PPP2CA: variants seen among roughly 807,000 people sequenced by gnomAD.
PPP2CA encodes the protein protein phosphatase 2 catalytic subunit alpha.
PPP2CA carries 5 observed loss-of-function variants against 38.8 expected under a neutral mutation model. The observed-to-expected ratio is 0.13, with a 90% CI of 0.07 to 0.27. The LOEUF is 0.27. Ranked by LOEUF, PPP2CA falls within the 10% of genes least tolerant of loss-of-function variation. The probability of loss-of-function intolerance (pLI) is 1.00; values close to 1 mark genes in which losing one functional copy is unlikely to be tolerated. For missense variants in PPP2CA, 88 were observed against 389.7 expected (o/e 0.23, Z 6.52); for synonymous variants, 152 against 134.0 (o/e 1.13, Z -0.93).
chr5:134,220,709 C>T (rs1003902639), intron 1 of PPP2CA, among the ~76,000 whole-genome samples: 2 of 152,164 alleles, frequency 1.3e-5, no homozygotes, highest in African/African-American at 2.4e-5. Context: ...TCCTAACTTA[C>T]CCCTTCCAAA....
At chr5:134,221,362 C>T (rs1246865249) in intron 1 of PPP2CA, among the ~76,000 whole-genome samples, 9 of 152,182 alleles carry the variant, frequency 5.9e-5, no homozygotes, top group Admixed American at 5.2e-4. Flanking sequence ...ATCCGCCTGC[C>T]GTGGCCTTCC....
chr5:134,207,418 A>G (rs1762107152), intron 1 of PPP2CA, among the ~76,000 whole-genome samples: 1 of 152,126 alleles, frequency 6.6e-6, no homozygotes, highest in Non-Finnish European at 1.5e-5. Context: ...ACAAAAACAA[A>G]AACACCAATG....
chr5:134,224,129 G>C (rs1352083557), intron 1 of PPP2CA: 1 of 323,308 alleles, frequency 3.1e-6, no homozygotes, highest in South Asian at 2.4e-5. Context: ...TGACTTAAAA[G>C]TCTTTCATAT....
chr5:134,212,877 G>A (rs1168243451), intron 1 of PPP2CA, among the ~76,000 whole-genome samples: 1 of 152,170 alleles, frequency 6.6e-6, no homozygotes, highest in Admixed American at 6.5e-5. Flanking sequence ...TTCAGAGGTA[G>A]GTCCTAATTC....
At chr5:134,211,176 G>C (rs1762196853) in intron 1 of PPP2CA, among the ~76,000 whole-genome samples, 1 of 151,582 alleles carries the variant, frequency 6.6e-6, no homozygotes, top group South Asian at 2.1e-4. Context: ...CTGCAGCCTT[G>C]ATCTCCCAAG....
rs1395891113 is a variant in PPP2CA, at chr5:134,225,531, G to T, written c.102+229C>A. 4 of 478,726 alleles carry T rather than the reference G, an allele frequency of 8.4e-6. No homozygotes were observed. The East Asian group carries it at 1.5e-4, about 18-fold the overall frequency. 29.7% of individuals were successfully genotyped at this position (478,726 alleles called of 1,614,324 possible). A position where few individuals can be genotyped will look rare whatever the true frequency, so the allele number is the denominator to read the frequency against. On this transcript the variant is annotated intron_variant, in intron 1 of 6. Transcript: ENST00000481195. The stretch of plus-strand genomic sequence containing the variant: ...AAGGCCGGCTGACTCAAAAGCCCAG[G>T]AGTCGAGTGAACGGCGCCATTTTAG...
intron 1 of PPP2CA, among the ~76,000 whole-genome samples, chr5:134,213,314 C>T (rs1224725131): frequency 6.6e-6 from 1 of 152,096 alleles, no homozygotes; most frequent in African/African-American, 2.4e-5. Context: ...ATCTACTACG[C>T]CTGTGCTCTA....
At chr5:134,202,889 T>G (rs1050096376) in intron 2 of PPP2CA, among the ~76,000 whole-genome samples, 5 of 152,216 alleles carry the variant, frequency 3.3e-5, no homozygotes, top group African/African-American at 1.2e-4. Context: ...ACACTTGGTA[T>G]TATCAACCTT....
chr5:134,217,375 T>C (rs951153028), intron 1 of PPP2CA, among the ~76,000 whole-genome samples: 6 of 152,198 alleles, frequency 3.9e-5, no homozygotes, highest in African/African-American at 1.2e-4. Context: ...CCTTACCATA[T>C]AGTTGGACAG....
At chr5:134,204,090 C>G (rs183839859) in intron 2 of PPP2CA, among the ~76,000 whole-genome samples, 3 of 152,186 alleles carry the variant, frequency 2.0e-5, no homozygotes, top group Non-Finnish European at 2.9e-5. Flanking sequence ...ATAACGATCT[C>G]CAAAAATATT....
At chr5:134,209,622 A>G (rs895990228) in intron 1 of PPP2CA, among the ~76,000 whole-genome samples, 1 of 152,080 alleles carries the variant, frequency 6.6e-6, no homozygotes, top group African/African-American at 2.4e-5. Context: ...TCTACTAAAA[A>G]CACAAAACAG....
chr5:134,196,667 C>A lies in PPP2CA; in HGVS notation c.*1105G>T, dbSNP rs1160838359. On this transcript the variant is annotated 3_prime_UTR_variant, in exon 7 of 7. Coordinates refer to ENST00000481195, the MANE Select transcript of PPP2CA (RefSeq NM_002715.4). ...CATTTTAAAGAGTCCATATAATATA[C>A]ACATAGCAATATAATATTCATAACC... is the stretch of plus-strand genomic sequence containing the variant. 6.6e-6 allele frequency: 1 copy of A among 152,188 alleles called. No individual in the cohort carries two copies. The highest frequency in any genetic ancestry group is 1.5e-5 in the Non-Finnish European group (1 of 68,042). 9.4% of individuals were successfully genotyped at this position (152,188 alleles called of 1,614,324 possible).
At chr5:134,200,298 T>A in intron 5 of PPP2CA, 37 bp downstream of exon 5, 1 of 1,558,390 alleles carries the variant, frequency 6.4e-7, no homozygotes, top group Middle Eastern at 1.7e-4. Context: ...TTAAGTTTAC[T>A]AAAAAAACAA....
chr5:134,196,840 C>A lies in PPP2CA; in HGVS notation c.*932G>T, dbSNP rs1018959814. On this transcript the variant is annotated 3_prime_UTR_variant, in exon 7 of 7. Transcript: ENST00000481195. ...GAAGCAGCACAGATTTCCTTTCTTA[C>A]AAACAAGTTAATATGCAGGAAGAAC... 4 of 152,466 alleles carry A rather than the reference C, an allele frequency of 2.6e-5. No homozygotes were observed. Among genetic ancestry groups the A allele is most frequent in the African/African-American group, 9.6e-5 (4 of 41,454 alleles). 9.4% of individuals were successfully genotyped at this position (152,466 alleles called of 1,614,324 possible).
chr5:134,207,946 T>C (rs1375376008), intron 1 of PPP2CA, among the ~76,000 whole-genome samples: 1 of 152,192 alleles, frequency 6.6e-6, no homozygotes, highest in Admixed American at 6.6e-5. Flanking sequence ...CCATTTACTA[T>C]CACTAAAAAA....
At chr5:134,225,332 G>A (rs1306977845) in intron 1 of PPP2CA, 1 of 166,254 alleles carries the variant, frequency 6.0e-6, no homozygotes, top group Non-Finnish European at 1.3e-5. Context: ...GGGATCCTCT[G>A]GGCAGCTCTG....
In PPP2CA at chr5:134,215,490, G is replaced by A. The variant is rs189917482; in HGVS notation, c.103-9359C>T. On this transcript the variant is annotated intron_variant, in intron 1 of 6. Coordinates refer to ENST00000481195, the MANE Select transcript of PPP2CA (RefSeq NM_002715.4). ...CTCAGGAGGCTGAGGCAGGAGAATC[G>A]CTTGAACCCAGGAGGTGGAGGTTGC... Among the ~76,000 whole-genome samples the A allele has an allele frequency of 4.2e-3, 636 of 152,216 alleles. 8 individuals carry two copies. The highest frequency in any genetic ancestry group is 0.014 in the African/African-American group (587 of 41,538).
chr5:134,212,361 G>T (rs1021165912), intron 1 of PPP2CA, among the ~76,000 whole-genome samples: 15 of 152,114 alleles, frequency 9.9e-5, no homozygotes, highest in African/African-American at 3.6e-4. Flanking sequence ...ATCTGTTATG[G>T]TGATATGTGA....
rs1371502482 is a variant in PPP2CA at position 134,200,378 on chromosome 5, T to C, written c.695A>G (p.Asn232Ser). The C allele has an allele frequency of 1.2e-6, 2 of 1,614,216 alleles. No homozygotes were observed. The highest frequency in any genetic ancestry group is 1.7e-6 in the Non-Finnish European group (2 of 1,180,010). Residue 232 changes from asparagine (N) to serine (S), a missense_variant, in exon 5 of 7, where the codon AAT (asparagine) becomes AGT (serine). By Grantham distance (46) the Asn-to-Ser change is conservative. Around this residue, in one of 4 missense-constraint regions of PPP2CA, gnomAD observed 36 missense variants for 259.8 expected, o/e 0.14. Transcript: ENST00000481195. ...QDISETFNHA[N>S]GLTLVSRAHQ... is the part of the protein sequence containing the mutation. ...AGCTCTAGACACCAACGTGAGGCCA[T>C]TGGCATGATTAAATGTCTCAGAAAT...
Sources: allele counts gnomAD v4.1 joint callset (sites outside exome capture counted in the v4.1 genomes callset), GRCh38; gene constraint gnomAD v4.1.1; regional missense constraint gnomAD v4.1.1; transcripts MANE v1.5; gene names NCBI Gene and HGNC (gene_info 2026-07-23, HGNC 2026-07-21).